Variants in FAM117B observed in about 807,000 individuals in gnomAD.
The protein encoded by FAM117B is family with sequence similarity 117 member B.
In FAM117B, 22 loss-of-function variants were observed where a neutral mutation model predicts 52.8. The ratio of observed to expected loss-of-function variants is 0.42; its 90% CI spans 0.30 to 0.59. The LOEUF (loss-of-function observed/expected upper bound fraction) is 0.59, where lower values mean the gene tolerates loss of function less well. Among genes scored for constraint, FAM117B ranks in the 20% least tolerant of loss-of-function variants. The pLI is 0.22. For missense variants in FAM117B, 678 were observed against 802.6 expected, an observed-to-expected ratio of 0.84 and a Z score of 1.88; for synonymous variants, 309 against 324.1, an observed-to-expected ratio of 0.95 and a Z score of 0.50.
intron 1 of FAM117B, among the ~76,000 whole-genome samples, chr2:202,680,365 C>T (rs2105769875): frequency 6.6e-6 from 1 of 152,192 alleles, no homozygotes; most frequent in East Asian, 1.9e-4. Context: ...CACATGTATA[C>T]ATATGTAACA....
chr2:202,651,896 A>G (rs1430305691), intron 1 of FAM117B, among the ~76,000 whole-genome samples: 1 of 151,890 alleles, frequency 6.6e-6, no homozygotes, highest in African/African-American at 2.4e-5. Context: ...TCTACTACAA[A>G]TACAAAATTA....
chr2:202,731,335 ATATATATATATATATATATAT>A (rs1691343022), intron 4 of FAM117B, among the ~76,000 whole-genome samples: 12 of 98,656 alleles, frequency 1.2e-4, no homozygotes, highest in African/African-American at 3.4e-4. Flanking sequence ...AAATTGGAAT[ATATATATATATATATATATAT>A]ATATATATAT....
intron 2 of FAM117B, among the ~76,000 whole-genome samples, chr2:202,703,000 G>C (rs925868738): frequency 1.3e-5 from 2 of 152,076 alleles, no homozygotes; most frequent in African/African-American, 4.8e-5. Flanking sequence ...TTGCTTTATT[G>C]TGTTACTCCC....
chr2:202,698,309 A>G (rs1320360724), intron 2 of FAM117B, among the ~76,000 whole-genome samples: 1 of 152,216 alleles, frequency 6.6e-6, no homozygotes, highest in African/African-American at 2.4e-5. Context: ...TCCTACTGTT[A>G]GGGCAGACAA....
At chr2:202,713,537 A>G (rs906337018) in intron 2 of FAM117B, among the ~76,000 whole-genome samples, 1 of 151,672 alleles carries the variant, frequency 6.6e-6, no homozygotes, top group African/African-American at 2.4e-5. Flanking sequence ...TCTGATCTCT[A>G]TTATTTTTTC....
chr2:202,747,997 C>CA (rs143328897), intron 4 of FAM117B, among the ~76,000 whole-genome samples: 8 of 152,094 alleles, frequency 5.3e-5, no homozygotes, highest in African/African-American at 1.9e-4. Context: ...CAAAAGTCCC[C>CA]AAATAGAGCC....
chr2:202,673,005 G>A (rs1471716432), intron 1 of FAM117B, among the ~76,000 whole-genome samples: 1 of 152,154 alleles, frequency 6.6e-6, no homozygotes, highest in African/African-American at 2.4e-5. Context: ...CTGCGTTCAC[G>A]CCACTGCACT....
chr2:202,662,052 A>G (rs1486812581), intron 1 of FAM117B, among the ~76,000 whole-genome samples: 1 of 152,188 alleles, frequency 6.6e-6, no homozygotes, highest in East Asian at 1.9e-4. Flanking sequence ...ACAATAGCCA[A>G]TAGCCAAGAT....
chr2:202,641,407 A>G (rs140888337), intron 1 of FAM117B, among the ~76,000 whole-genome samples: 1 of 152,320 alleles, frequency 6.6e-6, no homozygotes, highest in African/African-American at 2.4e-5. Context: ...TTTGAATAGA[A>G]TATATACATT....
chr2:202,671,871 T>C (rs1478167756), intron 1 of FAM117B, among the ~76,000 whole-genome samples: 1 of 152,226 alleles, frequency 6.6e-6, no homozygotes, highest in Non-Finnish European at 1.5e-5. Context: ...ATAGGTTGGG[T>C]GGCTCTCTGG....
Position 202,768,273 on chromosome 2 carries a change from T to C in FAM117B, c.*2509T>C, listed in dbSNP as rs1168684761. On this transcript the variant is annotated 3_prime_UTR_variant, in exon 8 of 8. Transcript: ENST00000392238. ...TATTTGTCTAATTCATATCTTTCTG[T>C]GGAGTTTCATATGTCCTTAATCTAA... 6.6e-6 allele frequency: 1 copy of C among 152,210 alleles called. No homozygotes were observed. Among genetic ancestry groups the C allele is most frequent in the African/African-American group, 2.4e-5 (1 of 41,456 alleles). The allele number at this position is 152,210 out of a possible 1,614,324, so 9.4% of individuals were successfully genotyped here. A position where few individuals can be genotyped will look rare whatever the true frequency, so the allele number is the denominator to read the frequency against.
chr2:202,722,603 T>C (rs895779531), intron 2 of FAM117B, among the ~76,000 whole-genome samples: 4 of 152,152 alleles, frequency 2.6e-5, no homozygotes, highest in Admixed American at 6.5e-5. Flanking sequence ...TTCTCACTTA[T>C]AAATGGGAGC....
intron 1 of FAM117B, among the ~76,000 whole-genome samples, chr2:202,665,640 A>G (rs970088457): frequency 6.6e-6 from 1 of 151,102 alleles, no homozygotes; most frequent in African/African-American, 2.4e-5. Context: ...TCACTCTATC[A>G]CCCAGGCTGG....
At chr2:202,725,236 T>G (rs1691223129) in intron 3 of FAM117B, 4 of 340,788 alleles carry the variant, frequency 1.2e-5, no homozygotes, top group Non-Finnish European at 2.1e-5. Context: ...TTTAGGAGAA[T>G]TCATACCTGT....
intron 4 of FAM117B, among the ~76,000 whole-genome samples, chr2:202,755,293 C>T (rs767985151): frequency 6.6e-6 from 1 of 152,052 alleles, no homozygotes; most frequent in African/African-American, 2.4e-5. Context: ...TTTATTTATC[C>T]CTGTTCCCTT....
chr2:202,705,927 A>G (rs1024981686), intron 2 of FAM117B, among the ~76,000 whole-genome samples: 6 of 152,136 alleles, frequency 3.9e-5, no homozygotes, highest in Admixed American at 3.9e-4. Flanking sequence ...ACCTAGGCTT[A>G]TTTACCTTAT....
chr2:202,644,058 T>TG (rs1689815791), intron 1 of FAM117B, among the ~76,000 whole-genome samples: 1 of 135,050 alleles, frequency 7.4e-6, no homozygotes. Flanking sequence ...GAGCTGTTTT[T>TG]TTTTTGTTTT....
At chr2:202,638,446 A>C (rs1689719229) in intron 1 of FAM117B, among the ~76,000 whole-genome samples, 1 of 152,106 alleles carries the variant, frequency 6.6e-6, no homozygotes, top group South Asian at 2.1e-4. Context: ...GATCTCTAGG[A>C]GGGCTCTATT....
intron 1 of FAM117B, among the ~76,000 whole-genome samples, chr2:202,641,363 G>C (rs914093342): frequency 6.6e-6 from 1 of 152,184 alleles, no homozygotes; most frequent in Non-Finnish European, 1.5e-5. Flanking sequence ...AAATAGTAGA[G>C]AAAGAAGGGA....
Sources: allele counts gnomAD v4.1 joint callset (sites outside exome capture counted in the v4.1 genomes callset), GRCh38; gene constraint gnomAD v4.1.1; transcripts MANE v1.5; gene names NCBI Gene and HGNC (gene_info 2026-07-23, HGNC 2026-07-21).